ATG7: variants seen among roughly 807,000 people sequenced by gnomAD.
ATG7 encodes ubiquitin-like modifier-activating enzyme ATG7.
ATG7 carries 70 observed loss-of-function variants against 82.4 expected under a neutral mutation model. The ratio of observed to expected loss-of-function variants is 0.85; its 90% CI spans 0.70 to 1.04. ATG7 has a LOEUF of 1.04. ATG7 is among the 50% of genes least tolerant of loss of function. The pLI is 0.00. For missense variants in ATG7, 792 were observed against 864.3 expected (o/e 0.92, Z 1.05); for synonymous variants, 287 against 313.0 (o/e 0.92, Z 0.88).
At chr3:11,332,764 A>AT (rs1170770388) in intron 10 of ATG7, 20 of 391,058 alleles carry the variant, frequency 5.1e-5, no homozygotes, top group Middle Eastern at 7.1e-4. Context: ...CAGCCAATTC[A>AT]TTTTTCAGCC....
intron 10 of ATG7, 25 bp downstream of exon 10, chr3:11,331,453 C>T (rs1951635579): frequency 6.6e-7 from 1 of 1,511,072 alleles, no homozygotes; most frequent in African/African-American, 1.4e-5. Flanking sequence ...GTGTGTTTGT[C>T]TGTCTGTCTG....
At chr3:11,294,481 C>T (rs900653378) in intron 3 of ATG7, among the ~76,000 whole-genome samples, 15 of 152,068 alleles carry the variant, frequency 9.9e-5, no homozygotes, top group African/African-American at 3.6e-4. Context: ...CTTTGGCCTC[C>T]CAAAGTACTA....
In ATG7 at chr3:11,342,130, T is replaced by C; in HGVS notation, c.981-5T>C. 1 of 1,609,954 alleles carries C rather than the reference T, an allele frequency of 6.2e-7. No individual in the cohort carries two copies. The highest frequency in any genetic ancestry group is 8.5e-7 in the Non-Finnish European group (1 of 1,179,010). On this transcript the variant is annotated splice_region_variant and splice_polypyrimidine_tract_variant and intron_variant, in intron 12 of 20. Transcript: ENST00000693202. ...GACTGAATAAGTAAATCTCTCCTTT[T>C]CTAGGTTAGCTGAGTCATCAGTGGA...
rs1286114091 is a variant in ATG7 at position 11,422,775 on chromosome 3, CAG to C, written c.1957-4026_1957-4025del. Among the ~76,000 whole-genome samples, 7 of 77,360 alleles carry C rather than the reference CAG, an allele frequency of 9.0e-5. No individual in the cohort carries two copies. In the South Asian group the frequency reaches 1.4e-3, roughly 15 times the overall value. 50.8% of individuals were successfully genotyped at this position (77,360 alleles called of 152,430 possible). ...TTTTTTTTTTTTTTTTTTTTGGAGACAGAGTCTCACTCCGTTGCCCAGGCTGG... is the reference window on the plus strand; with the variant it reads ...TTTTTTTTTTTTTTTTTTTTGGAGACAGTCTCACTCCGTTGCCCAGGCTGG... On this transcript the variant is annotated intron_variant, in intron 19 of 20. Coordinates refer to ENST00000693202, the MANE Select transcript of ATG7 (RefSeq NM_001349232.2).
At chr3:11,434,662 A>G (rs997593732) in intron 20 of ATG7, among the ~76,000 whole-genome samples, 3 of 152,214 alleles carry the variant, frequency 2.0e-5, no homozygotes, top group Non-Finnish European at 2.9e-5. Flanking sequence ...AGTTATCTAC[A>G]TGAATTTGAG....
At chr3:11,385,267 A>G (rs13067424) in intron 19 of ATG7, among the ~76,000 whole-genome samples, 28,008 of 152,052 alleles carry the variant, frequency 0.18, 3,114 homozygotes, top group South Asian at 0.35. Flanking sequence ...TGACCTTGTA[A>G]TCTGCCCACC....
At chr3:11,374,424 A>C (rs1407441079) in intron 18 of ATG7, among the ~76,000 whole-genome samples, 1 of 152,256 alleles carries the variant, frequency 6.6e-6, no homozygotes, top group Non-Finnish European at 1.5e-5. Context: ...CATGTTAAAA[A>C]ATTAACTCAA....
At chr3:11,518,363 A>G (rs906881728) in intron 20 of ATG7, among the ~76,000 whole-genome samples, 9 of 152,130 alleles carry the variant, frequency 5.9e-5, no homozygotes, top group Non-Finnish European at 1.3e-4. Context: ...TTGGCCAACA[A>G]TGGTGAAACC....
chr3:11,491,887 A>C (rs1475786442), intron 20 of ATG7, among the ~76,000 whole-genome samples: 3 of 152,126 alleles, frequency 2.0e-5, no homozygotes, highest in Non-Finnish European at 4.4e-5. Context: ...GGGACATTTA[A>C]GTTTGCAGAG....
chr3:11,375,224 C>CA (rs970818121), intron 18 of ATG7, among the ~76,000 whole-genome samples: 4 of 151,774 alleles, frequency 2.6e-5, no homozygotes, highest in Non-Finnish European at 4.4e-5. Context: ...AACAAATGAA[C>CA]AAAAAAACCA....
chr3:11,448,545 T>C (rs1004096009), intron 20 of ATG7, among the ~76,000 whole-genome samples: 1 of 152,168 alleles, frequency 6.6e-6, no homozygotes, highest in Non-Finnish European at 1.5e-5. Flanking sequence ...TAAAACCAAA[T>C]CTGTAATCAG....
intron 11 of ATG7, among the ~76,000 whole-genome samples, chr3:11,334,644 G>A (rs568658933): frequency 6.7e-6 from 1 of 149,774 alleles, no homozygotes; most frequent in East Asian, 2.0e-4. Context: ...GTGTGTGTGT[G>A]ATGGGGGAGG....
chr3:11,290,509 A>G (rs889932660), intron 3 of ATG7: 5 of 342,112 alleles, frequency 1.5e-5, no homozygotes, highest in Non-Finnish European at 2.8e-5. Context: ...TACTTTTGGT[A>G]GTGGATCTTG....
intron 7 of ATG7, among the ~76,000 whole-genome samples, chr3:11,310,476 G>T (rs1408654062): frequency 6.6e-6 from 1 of 152,180 alleles, no homozygotes; most frequent in East Asian, 1.9e-4. Flanking sequence ...AATCAAACAA[G>T]GCCAGTGGGT....
chr3:11,502,449 C>G (rs1387071857), intron 20 of ATG7, among the ~76,000 whole-genome samples: 1 of 142,358 alleles, frequency 7.0e-6, no homozygotes, highest in African/African-American at 2.6e-5. Flanking sequence ...TGTTCAATTC[C>G]CACCTATGAG....
intron 19 of ATG7, among the ~76,000 whole-genome samples, chr3:11,409,177 A>G (rs1010968291): frequency 4.6e-5 from 7 of 152,248 alleles, no homozygotes; most frequent in Admixed American, 6.5e-5. Context: ...CCAGTTACAG[A>G]TGGTCCTTGA....
At chr3:11,490,782 G>A (rs2090265849) in intron 20 of ATG7, among the ~76,000 whole-genome samples, 1 of 152,136 alleles carries the variant, frequency 6.6e-6, no homozygotes, top group Non-Finnish European at 1.5e-5. Context: ...TTTTCTTTAA[G>A]AATGTTGAAT....
At position 11,298,741 on chromosome 3, in the gene ATG7, G is replaced by T. The variant is rs772682140; in HGVS notation, c.46G>T (p.Ala16Ser). The T allele has an allele frequency of 4.3e-6, 7 of 1,614,162 alleles. No homozygotes were observed. The East Asian group carries it at 1.6e-4, about 36-fold the overall frequency. Residue 16 changes from alanine to serine, a missense_variant, in exon 4 of 21, where the codon GCC becomes TCC. Coordinates refer to ENST00000693202, the MANE Select transcript of ATG7 (RefSeq NM_001349232.2). ...TCCTGGACTCTCTAAACTGCAGTTT[G>T]CCCCTTTTAGTAGTGCCTTGGATGT... is the stretch of plus-strand genomic sequence containing the variant. ...GDPGLSKLQF[A>S]PFSSALDVGF...
At chr3:11,540,938 C>T (rs1028462927) in intron 20 of ATG7, among the ~76,000 whole-genome samples, 2 of 142,620 alleles carry the variant, frequency 1.4e-5, no homozygotes, top group Admixed American at 7.4e-5. Flanking sequence ...CTTGCTCTGT[C>T]GCCCAGGCTG....
Sources: gnomAD v4.1 joint callset for allele counts (sites outside exome capture counted in the v4.1 genomes callset) on GRCh38, gnomAD v4.1.1 for gene constraint, MANE v1.5 for transcripts, NCBI Gene and HGNC (gene_info 2026-07-23, HGNC 2026-07-21) for gene names.